The following BRAF variants were observed in gnomAD, a reference collection of about 807,000 sequenced individuals.
BRAF encodes the protein serine/threonine-protein kinase B-raf.
Under a neutral mutation model 104.6 loss-of-function variants are expected in BRAF, and 16 were observed. The observed-to-expected ratio is 0.15, with a 90% CI of 0.10 to 0.23. The LOEUF is 0.23. BRAF is among the 10% of genes least tolerant of loss of function. The pLI is 1.00. For missense variants in BRAF, 541 were observed against 937.3 expected, an observed-to-expected ratio of 0.58 and a Z score of 5.52; for synonymous variants, 310 against 341.6, an observed-to-expected ratio of 0.91 and a Z score of 1.02.
At chr7:140,741,265 G>A (rs1485001074) in intron 17 of BRAF, 11 of 152,184 alleles carry the variant, frequency 7.2e-5, no homozygotes, top group Admixed American at 7.2e-4. Flanking sequence ...CTGTTTTACA[G>A]ATAAGGAATC....
rs1479020997 is a variant in BRAF, at chr7:140,860,479, AAAG to A, written c.139-10270_139-10268del. ...CCCCATCTCTAGAAAAAAAAAAAAA[AAAG>A]AAAAAAAAGAAAATTAGTTGGATGC... On this transcript the variant is annotated intron_variant, in intron 1 of 19. Coordinates refer to ENST00000644969, the MANE Select transcript of BRAF (RefSeq NM_001374258.1). Among the ~76,000 whole-genome samples, 865 of 147,272 alleles carry A rather than the reference AAAG, an allele frequency of 5.9e-3. 11 individuals are homozygous for A. The highest frequency in any genetic ancestry group is 0.021 in the African/African-American group (808 of 37,728).
At chr7:140,833,008 G>T (rs111612835) in intron 3 of BRAF, among the ~76,000 whole-genome samples, 1 of 151,762 alleles carries the variant, frequency 6.6e-6, no homozygotes, top group East Asian at 1.9e-4. Context: ...AAATTAGCTG[G>T]GACTACAGGC....
intron 3 of BRAF, among the ~76,000 whole-genome samples, chr7:140,825,480 T>C (rs1325819636): frequency 6.6e-6 from 1 of 152,214 alleles, no homozygotes; most frequent in African/African-American, 2.4e-5. Flanking sequence ...TTAAGAAATC[T>C]TTGCCAAACC....
chr7:140,753,251 T>G (rs1797927190), intron 16 of BRAF, 24 bp downstream of exon 15: 1 of 1,563,810 alleles, frequency 6.4e-7, no homozygotes, highest in African/African-American at 1.4e-5. Flanking sequence ...ATTTAATCAG[T>G]GGAAAAATAG....
intron 19 of BRAF, chr7:140,733,918 T>G: frequency 2.5e-6 from 2 of 815,444 alleles, no homozygotes; most frequent in South Asian, 1.2e-4. Context: ...CTCCAATTTA[T>G]AACATTTTCC....
Position 140,924,723 on chromosome 7 carries a change from G to A in BRAF, c.-20C>T, listed in dbSNP as rs1040215972. ...CGCCATCTTATAACCGAGAGCCGGG[G>A]CCCGAGCGGCCGCTGTCGGGCGGGG... On this transcript the variant is annotated 5_prime_UTR_variant, in exon 1 of 20. Coordinates refer to ENST00000644969, the MANE Select transcript of BRAF (RefSeq NM_001374258.1). The surrounding 1 kb of genome is among the most constrained non-coding windows in gnomAD (Gnocchi z 4.2). The A allele has an allele frequency of 2.4e-5, 20 of 845,830 alleles. No individual in the cohort carries two copies. The African/African-American group carries it at 2.7e-4, about 11-fold the overall frequency. 52.4% of individuals were successfully genotyped at this position (845,830 alleles called of 1,614,324 possible).
intron 3 of BRAF, among the ~76,000 whole-genome samples, chr7:140,809,959 A>G (rs1804066015): frequency 1.3e-5 from 2 of 152,174 alleles, no homozygotes; most frequent in South Asian, 4.1e-4. Flanking sequence ...AATCTGAGTT[A>G]CTTGGAACTG....
chr7:140,732,647 G>C (rs547758718), intron 19 of BRAF: 36 of 152,338 alleles, frequency 2.4e-4, no homozygotes, highest in Middle Eastern at 3.4e-3. Context: ...CATCGCAAAG[G>C]AGACTAGTAA....
At chr7:140,835,609 T>C (rs1807240294) in intron 2 of BRAF, 1 of 151,046 alleles carries the variant, frequency 6.6e-6, no homozygotes, top group South Asian at 2.1e-4. Flanking sequence ...TTTGAAAATG[T>C]GGCTTATACC....
intron 14 of BRAF, among the ~76,000 whole-genome samples, chr7:140,761,453 A>G (rs1196712323): frequency 2.0e-5 from 3 of 152,180 alleles, no homozygotes; most frequent in African/African-American, 7.2e-5. Flanking sequence ...TGTAAAGACC[A>G]TCGAGACTAG....
At chr7:140,809,929 TG>T (rs1804062006) in intron 3 of BRAF, among the ~76,000 whole-genome samples, 3 of 152,282 alleles carry the variant, frequency 2.0e-5, no homozygotes, top group Admixed American at 2.0e-4. Flanking sequence ...GCCTTTTCCT[TG>T]CCTCATCCCC....
chr7:140,803,407 ACCCCTGATCTATGGTCC>A (rs1317820467), intron 5 of BRAF, among the ~76,000 whole-genome samples: 3 of 152,208 alleles, frequency 2.0e-5, no homozygotes, highest in Non-Finnish European at 4.4e-5. Context: ...CAGAATCAGA[ACCCCTGATCTATGGTCC>A]AAAAACATAA....
intron 1 of BRAF, among the ~76,000 whole-genome samples, chr7:140,877,392 G>A (rs1436850093): frequency 6.6e-6 from 1 of 151,472 alleles, no homozygotes; most frequent in Non-Finnish European, 1.5e-5. Context: ...TGGAATTACA[G>A]GCATGTGCCA....
chr7:140,837,813 C>T (rs528812085), intron 2 of BRAF, among the ~76,000 whole-genome samples: 11 of 152,160 alleles, frequency 7.2e-5, no homozygotes, highest in Non-Finnish European at 1.6e-4. Context: ...AATAACATTA[C>T]CTTCAAATCC....
At chr7:140,828,723 T>C (rs113499031) in intron 3 of BRAF, among the ~76,000 whole-genome samples, 1 of 152,208 alleles carries the variant, frequency 6.6e-6, no homozygotes, top group Non-Finnish European at 1.5e-5. Flanking sequence ...TTAACAAATA[T>C]CCTTGTATAA....
intron 8 of BRAF, among the ~76,000 whole-genome samples, chr7:140,789,262 T>C (rs992442475): frequency 2.0e-5 from 3 of 151,736 alleles, no homozygotes; most frequent in East Asian, 1.9e-4. Flanking sequence ...ATAACAACGA[T>C]GGTAGTGGGG....
intron 1 of BRAF, among the ~76,000 whole-genome samples, chr7:140,913,469 C>CTT (rs369746551): frequency 0.11 from 6,184 of 56,970 alleles, 2,395 homozygotes; most frequent in East Asian, 0.19. Flanking sequence ...TTAATCACAG[C>CTT]TTTTTTTTTT....
At chr7:140,854,848 G>A (rs1251185366) in intron 1 of BRAF, among the ~76,000 whole-genome samples, 1 of 151,988 alleles carries the variant, frequency 6.6e-6, no homozygotes, top group African/African-American at 2.4e-5. Context: ...AGGAGGCTGA[G>A]GCAGGAGAAT....
Position 140,835,105 on chromosome 7 carries a change from C to T in BRAF, c.241-233G>A, listed in dbSNP as rs1380154146. 7 of 544,222 alleles carry T rather than the reference C, an allele frequency of 1.3e-5. No homozygotes were observed. The East Asian group carries it at 2.2e-4, about 17-fold the overall frequency. 33.7% of individuals were successfully genotyped at this position (544,222 alleles called of 1,614,324 possible). The stretch of plus-strand genomic sequence containing the variant: ...TTACACCTGATAAATTTGACCTATA[C>T]ATATGTGATATCTAGATGGTCCATG... On this transcript the variant is annotated intron_variant, in intron 2 of 19. Coordinates refer to ENST00000644969, the MANE Select transcript of BRAF (RefSeq NM_001374258.1).
Sources: gnomAD v4.1 joint callset for allele counts (sites outside exome capture counted in the v4.1 genomes callset) on GRCh38, gnomAD v4.1.1 for gene constraint, Gnocchi (gnomAD v3.1) non-coding constraint, MANE v1.5 for transcripts, NCBI Gene and HGNC (gene_info 2026-07-23, HGNC 2026-07-21) for gene names.